PRKCA: variants seen among roughly 807,000 people sequenced by gnomAD.
The protein encoded by PRKCA is protein kinase C alpha.
A neutral mutation model predicts 87.0 loss-of-function variants in PRKCA; 27 were observed. The ratio of observed to expected loss-of-function variants is 0.31; its 90% CI spans 0.23 to 0.43. The LOEUF is 0.43. PRKCA is among the 20% of genes least tolerant of loss of function. PRKCA has a pLI of 1.00. For missense variants in PRKCA, 518 were observed against 852.3 expected (o/e 0.61, Z 4.88); for synonymous variants, 329 against 311.1 (o/e 1.06, Z -0.61).
intron 13 of PRKCA, among the ~76,000 whole-genome samples, chr17:66,756,811 G>A (rs1974559426): frequency 6.6e-6 from 1 of 152,108 alleles, no homozygotes; most frequent in Admixed American, 6.6e-5. Context: ...ACAGGCATGA[G>A]CCACCATGCC....
chr17:66,460,880 G>A (rs1423223807), intron 2 of PRKCA, among the ~76,000 whole-genome samples: 1 of 152,164 alleles, frequency 6.6e-6, no homozygotes, highest in Non-Finnish European at 1.5e-5. Flanking sequence ...CCTTCTCTGA[G>A]GTTGTCTTGT....
At chr17:66,562,270 A>G (rs1968734870) in intron 3 of PRKCA, among the ~76,000 whole-genome samples, 2 of 148,490 alleles carry the variant, frequency 1.3e-5, no homozygotes, top group South Asian at 4.2e-4. Flanking sequence ...AAAGTAAAAC[A>G]TAACAAAAGA....
chr17:66,317,297 G>T (rs528833461), intron 2 of PRKCA, among the ~76,000 whole-genome samples: 1 of 152,306 alleles, frequency 6.6e-6, no homozygotes, highest in East Asian at 1.9e-4. Flanking sequence ...AGAAACCTTG[G>T]TAAGGAAAGG....
chr17:66,381,627 A>AATAC lies in PRKCA; in HGVS notation c.205+75502_205+75503insACAT, dbSNP rs1232181356. On this transcript the variant is annotated intron_variant, in intron 2 of 16. Coordinates refer to ENST00000413366, the MANE Select transcript of PRKCA (RefSeq NM_002737.3). ...CTACAAGGAGTCAGATTTGCCTATG[A>AATAC]ATGTACTTATGTAGCATGGAGCAGC... 5.0e-4 allele frequency among the ~76,000 whole-genome samples: 76 copies of AATAC among 152,292 alleles called. 1 individual carries two copies. Among genetic ancestry groups the AATAC allele is most frequent in the African/African-American group, 1.7e-3 (69 of 41,556 alleles).
At chr17:66,575,267 G>T (rs1004184585) in intron 3 of PRKCA, among the ~76,000 whole-genome samples, 2 of 152,190 alleles carry the variant, frequency 1.3e-5, no homozygotes, top group Non-Finnish European at 2.9e-5. Flanking sequence ...CACTATTCAG[G>T]ATTGTGTGTA....
intron 2 of PRKCA, among the ~76,000 whole-genome samples, chr17:66,410,139 T>C (rs1356030434): frequency 6.6e-6 from 1 of 152,168 alleles, no homozygotes; most frequent in East Asian, 1.9e-4. Flanking sequence ...CTAAACTTTA[T>C]AGCAAATATA....
chr17:66,387,357 C>A (rs1249565834), intron 2 of PRKCA, among the ~76,000 whole-genome samples: 1 of 152,172 alleles, frequency 6.6e-6, no homozygotes, highest in Non-Finnish European at 1.5e-5. Context: ...ACCTCTAACA[C>A]CTGGCCATCC....
At chr17:66,545,793 G>A (rs1968130371) in intron 3 of PRKCA, among the ~76,000 whole-genome samples, 1 of 152,160 alleles carries the variant, frequency 6.6e-6, no homozygotes, top group Non-Finnish European at 1.5e-5. Flanking sequence ...CAGAATCCAA[G>A]TGTTTAGTGA....
intron 2 of PRKCA, among the ~76,000 whole-genome samples, chr17:66,343,154 T>C (rs1907144486): frequency 6.6e-6 from 1 of 152,148 alleles, no homozygotes; most frequent in Admixed American, 6.5e-5. Flanking sequence ...GAGCATCTTG[T>C]TTGGTTTACC....
chr17:66,674,545 A>G (rs938145718), intron 5 of PRKCA, among the ~76,000 whole-genome samples: 10 of 152,210 alleles, frequency 6.6e-5, no homozygotes, highest in South Asian at 2.1e-4. Flanking sequence ...ATCAGAACCA[A>G]TGCCAGCTCC....
chr17:66,452,830 C>T (rs1248572616), intron 2 of PRKCA, among the ~76,000 whole-genome samples: 2 of 152,206 alleles, frequency 1.3e-5, no homozygotes, highest in Non-Finnish European at 2.9e-5. Context: ...CACCACTGCA[C>T]TCCAGCCTGG....
intron 2 of PRKCA, among the ~76,000 whole-genome samples, chr17:66,461,914 G>A (rs1163112381): frequency 6.6e-6 from 1 of 152,016 alleles, no homozygotes; most frequent in African/African-American, 2.4e-5. Context: ...GGAGACTGGG[G>A]TTCCTAACTA....
rs557700086 is a variant in PRKCA at position 66,350,996 on chromosome 17, A to C, written c.205+44869A>C. On this transcript the variant is annotated intron_variant, in intron 2 of 16. Coordinates refer to ENST00000413366, the MANE Select transcript of PRKCA (RefSeq NM_002737.3). ...TGCCACACTTCTCGTTTTATCATGG[A>C]CTGCAGTACAATGTAATTGTCTGTG... is the stretch of plus-strand genomic sequence containing the variant. Among the ~76,000 whole-genome samples, 5 of 152,290 alleles carry C rather than the reference A, an allele frequency of 3.3e-5. No homozygotes were observed. The South Asian group carries it at 1.0e-3, about 32-fold the overall frequency.
intron 2 of PRKCA, among the ~76,000 whole-genome samples, chr17:66,425,443 T>C (rs535823181): frequency 6.6e-6 from 1 of 152,298 alleles, no homozygotes; most frequent in East Asian, 1.9e-4. Context: ...TGATAGAGTA[T>C]TGTTATTTGT....
In PRKCA at chr17:66,555,093, G is replaced by A. The variant is rs186156670; in HGVS notation, c.288+58810G>A. ...GGGTTTCACCCTGTTGCCCAGGCTCGTCTCGAACTCCTGAGCTCAGGCAAT... is the reference window on the plus strand; with the variant it reads ...GGGTTTCACCCTGTTGCCCAGGCTCATCTCGAACTCCTGAGCTCAGGCAAT... On this transcript the variant is annotated intron_variant, in intron 3 of 16. Transcript: ENST00000413366. 1.4e-3 allele frequency among the ~76,000 whole-genome samples: 209 copies of A among 152,180 alleles called. 2 individuals are homozygous for A. The highest frequency in any genetic ancestry group is 1.7e-3 in the East Asian group (9 of 5,154).
intron 2 of PRKCA, among the ~76,000 whole-genome samples, chr17:66,402,456 G>A (rs1911094802): frequency 6.8e-6 from 1 of 147,446 alleles, no homozygotes; most frequent in Non-Finnish European, 1.5e-5. Context: ...AGAGACTTGA[G>A]CATGTTACAG....
chr17:66,578,205 T>TC (rs1969302726), intron 3 of PRKCA, among the ~76,000 whole-genome samples: 1 of 149,316 alleles, frequency 6.7e-6, no homozygotes, highest in Non-Finnish European at 1.5e-5. Context: ...ATCTCGTCTG[T>TC]CCCAGGGTCG....
At chr17:66,323,354 G>A (rs1905794194) in intron 2 of PRKCA, among the ~76,000 whole-genome samples, 1 of 152,186 alleles carries the variant, frequency 6.6e-6, no homozygotes, top group Non-Finnish European at 1.5e-5. Context: ...AACTTCACAT[G>A]CTTGTTAATT....
At chr17:66,499,509 T>C (rs757728314) in intron 3 of PRKCA, among the ~76,000 whole-genome samples, 11 of 152,236 alleles carry the variant, frequency 7.2e-5, no homozygotes, top group Non-Finnish European at 1.3e-4. Flanking sequence ...CATGGATCAA[T>C]TGATGCCTGT....
Sources: allele counts gnomAD v4.1 joint callset (sites outside exome capture counted in the v4.1 genomes callset), GRCh38; gene constraint gnomAD v4.1.1; transcripts MANE v1.5; gene names NCBI Gene and HGNC (gene_info 2026-07-23, HGNC 2026-07-21).